Variants in PDZRN4 observed in about 807,000 individuals in gnomAD.
The protein encoded by PDZRN4 is PDZ domain-containing RING finger protein 4.
PDZRN4 carries 70 observed loss-of-function variants against 99.0 expected under a neutral mutation model. The observed-to-expected ratio is 0.71, with a 90% confidence interval of 0.58 to 0.86. The LOEUF (loss-of-function observed/expected upper bound fraction) is 0.86. PDZRN4 is among the 40% of genes least tolerant of loss of function. The pLI, the probability that PDZRN4 is intolerant of heterozygous loss-of-function variation, is 0.00. For missense variants in PDZRN4, 1,474 were observed against 1,331.2 expected (o/e 1.11, Z -1.67); for synonymous variants, 551 against 501.6 (o/e 1.10, Z -1.32).
chr12:41,425,845 A>G (rs972263089), intron 3 of PDZRN4, among the ~76,000 whole-genome samples: 1 of 152,188 alleles, frequency 6.6e-6, no homozygotes. Context: ...ATGATTTCCC[A>G]TAATGTACAA....
chr12:41,565,925 C>A (rs1939363031), intron 8 of PDZRN4, among the ~76,000 whole-genome samples: 1 of 152,152 alleles, frequency 6.6e-6, no homozygotes, highest in African/African-American at 2.4e-5. Context: ...AACAATCCCT[C>A]TTTTCCTGCA....
At chr12:41,361,914 G>C (rs560835408) in intron 3 of PDZRN4, among the ~76,000 whole-genome samples, 1 of 152,024 alleles carries the variant, frequency 6.6e-6, no homozygotes, top group South Asian at 2.1e-4. Context: ...TTGTACTCGG[G>C]GCTGACTCGC....
chr12:41,392,893 A>C (rs1453531017), intron 3 of PDZRN4, among the ~76,000 whole-genome samples: 1 of 152,190 alleles, frequency 6.6e-6, no homozygotes, highest in Non-Finnish European at 1.5e-5. Context: ...CCTTGAGACA[A>C]GAATCAAAGC....
intron 3 of PDZRN4, among the ~76,000 whole-genome samples, chr12:41,364,192 A>G (rs191260258): frequency 6.6e-6 from 1 of 152,194 alleles, no homozygotes; most frequent in Admixed American, 6.5e-5. Context: ...CAGCTAAATG[A>G]AATGTGTCAT....
chr12:41,201,763 A>G (rs763433968), intron 3 of PDZRN4, among the ~76,000 whole-genome samples: 13 of 152,098 alleles, frequency 8.5e-5, no homozygotes, highest in Admixed American at 5.9e-4. Context: ...TCGAAAGATT[A>G]TTGTTTCTTA....
chr12:41,318,899 G>A (rs889353025), intron 3 of PDZRN4, among the ~76,000 whole-genome samples: 5 of 151,994 alleles, frequency 3.3e-5, no homozygotes, highest in African/African-American at 1.2e-4. Flanking sequence ...TTAATAATTT[G>A]GAAAGTGGCC....
intron 3 of PDZRN4, among the ~76,000 whole-genome samples, chr12:41,373,971 C>T (rs1025018261): frequency 7.9e-5 from 12 of 152,126 alleles, no homozygotes; most frequent in African/African-American, 2.7e-4. Context: ...CCTGACTTCC[C>T]ACAACACACA....
chr12:41,191,744 TTTTATTTATTTA>T (rs146409787), intron 2 of PDZRN4, among the ~76,000 whole-genome samples, 200 bp downstream of exon 2: 19 of 121,376 alleles, frequency 1.6e-4, no homozygotes, highest in South Asian at 1.5e-3. Context: ...CATACCCAGA[TTTTATTTATTTA>T]TTTATTTATT....
intron 3 of PDZRN4, among the ~76,000 whole-genome samples, chr12:41,468,624 C>T (rs1206669223): frequency 6.6e-6 from 1 of 152,122 alleles, no homozygotes; most frequent in Non-Finnish European, 1.5e-5. Flanking sequence ...AATTCCCTGC[C>T]TGCTTCTTTC....
At chr12:41,519,896 A>G (rs1938465492) in intron 5 of PDZRN4, among the ~76,000 whole-genome samples, 1 of 152,056 alleles carries the variant, frequency 6.6e-6, no homozygotes, top group Admixed American at 6.6e-5. Flanking sequence ...ATATAATGAA[A>G]TGTAAACTCC....
intron 3 of PDZRN4, among the ~76,000 whole-genome samples, chr12:41,498,818 G>C (rs1389101052): frequency 6.6e-6 from 1 of 152,020 alleles, no homozygotes; most frequent in Non-Finnish European, 1.5e-5. Flanking sequence ...TTAAAAATGT[G>C]TAAATTTGCT....
At chr12:41,329,372 C>T (rs1951729624) in intron 3 of PDZRN4, among the ~76,000 whole-genome samples, 1 of 152,088 alleles carries the variant, frequency 6.6e-6, no homozygotes, top group South Asian at 2.1e-4. Context: ...TATGTTGATG[C>T]ACTATGTTTT....
chr12:41,321,196 G>A (rs1441373035), intron 3 of PDZRN4, among the ~76,000 whole-genome samples: 1 of 152,108 alleles, frequency 6.6e-6, no homozygotes, highest in Non-Finnish European at 1.5e-5. Flanking sequence ...GCTGGATTAT[G>A]CAGCCCTTTA....
At chr12:41,516,631 G>T (rs928340661) in intron 5 of PDZRN4, among the ~76,000 whole-genome samples, 3 of 152,026 alleles carry the variant, frequency 2.0e-5, no homozygotes, top group Non-Finnish European at 4.4e-5. Context: ...TACCACAAAT[G>T]CGTAAGCTGG....
intron 3 of PDZRN4, among the ~76,000 whole-genome samples, chr12:41,357,279 C>T (rs1160345972): frequency 6.6e-6 from 1 of 151,800 alleles, no homozygotes; most frequent in Non-Finnish European, 1.5e-5. Context: ...TTATTCTGTG[C>T]CCTATGCTAC....
At chr12:41,542,316 T>G (rs1299964243) in intron 5 of PDZRN4, among the ~76,000 whole-genome samples, 2 of 152,212 alleles carry the variant, frequency 1.3e-5, no homozygotes, top group African/African-American at 4.8e-5. Context: ...GACAGTACTC[T>G]TCTATAAAAG....
intron 5 of PDZRN4, among the ~76,000 whole-genome samples, chr12:41,515,743 A>G (rs1592093374): frequency 6.6e-6 from 1 of 151,642 alleles, no homozygotes; most frequent in Admixed American, 6.6e-5. Context: ...ACAATGTTCT[A>G]CCTTTAGGCT....
intron 3 of PDZRN4, among the ~76,000 whole-genome samples, chr12:41,276,558 T>C (rs1444221047): frequency 6.6e-6 from 1 of 152,152 alleles, no homozygotes; most frequent in East Asian, 1.9e-4. Context: ...TTCATATGTG[T>C]CATAGATTCT....
At chr12:41,503,486 T>C (rs1403724000) in intron 3 of PDZRN4, among the ~76,000 whole-genome samples, 1 of 152,212 alleles carries the variant, frequency 6.6e-6, no homozygotes, top group Non-Finnish European at 1.5e-5. Context: ...ATTACAATAA[T>C]GATTTCACAG....
Sources: gnomAD v4.1 joint callset for allele counts (sites outside exome capture counted in the v4.1 genomes callset) on GRCh38, gnomAD v4.1.1 for gene constraint, MANE v1.5 for transcripts, NCBI Gene and HGNC (gene_info 2026-07-23, HGNC 2026-07-21) for gene names.